Variants in PPP3CA observed in about 807,000 individuals in gnomAD.
PPP3CA encodes the protein protein phosphatase 3 catalytic subunit alpha.
In PPP3CA, 14 loss-of-function variants were observed where a neutral mutation model predicts 66.5. The observed-to-expected ratio is 0.21, with a 90% CI of 0.14 to 0.33. The LOEUF is 0.33. Ranked by LOEUF, PPP3CA falls within the 10% of genes least tolerant of loss-of-function variation. PPP3CA has a pLI of 1.00. For missense variants in PPP3CA, 317 were observed against 639.5 expected (o/e 0.50, Z 5.44); for synonymous variants, 232 against 226.2 (o/e 1.03, Z -0.23).
intron 1 of PPP3CA, among the ~76,000 whole-genome samples, chr4:101,220,142 C>T (rs1046893919): frequency 6.6e-6 from 1 of 151,678 alleles, no homozygotes; most frequent in East Asian, 1.9e-4. Flanking sequence ...ACAATACATA[C>T]GAATATTTTC....
At chr4:101,144,020 C>T (rs1322912494) in intron 2 of PPP3CA, among the ~76,000 whole-genome samples, 1 of 152,122 alleles carries the variant, frequency 6.6e-6, no homozygotes, top group African/African-American at 2.4e-5. Flanking sequence ...TCTCTTTCCA[C>T]TCATCACCCT....
At chr4:101,240,209 G>C (rs865907231) in intron 1 of PPP3CA, among the ~76,000 whole-genome samples, 2 of 151,948 alleles carry the variant, frequency 1.3e-5, no homozygotes, top group Non-Finnish European at 2.9e-5. Flanking sequence ...AGTTAAGATT[G>C]TGAGTTCTCT....
At chr4:101,189,698 A>C (rs181296252) in intron 2 of PPP3CA, among the ~76,000 whole-genome samples, 1,743 of 151,272 alleles carry the variant, frequency 0.012, 24 homozygotes, top group Non-Finnish European at 0.019. Flanking sequence ...AAAAAAAAAA[A>C]AAAAAACAAA....
chr4:101,040,403 AC>A, intron 11 of PPP3CA, 78 bp downstream of exon 11: 1 of 968,984 alleles, frequency 1.0e-6, no homozygotes. Context: ...TATTTAAATT[AC>A]CAGATGAAAG....
chr4:101,192,466 A>G (rs1261694905), intron 2 of PPP3CA, among the ~76,000 whole-genome samples: 1 of 152,156 alleles, frequency 6.6e-6, no homozygotes, highest in Non-Finnish European at 1.5e-5. Flanking sequence ...TGCTGGTTAT[A>G]GAGATTAATA....
intron 10 of PPP3CA, among the ~76,000 whole-genome samples, chr4:101,046,197 C>T (rs1727757275): frequency 6.6e-6 from 1 of 150,494 alleles, no homozygotes; most frequent in African/African-American, 2.4e-5. Context: ...TTTTAAAAGT[C>T]TAATCCAACA....
chr4:101,112,593 A>G (rs1721709170), intron 2 of PPP3CA, among the ~76,000 whole-genome samples: 1 of 152,138 alleles, frequency 6.6e-6, no homozygotes, highest in African/African-American at 2.4e-5. Context: ...ACAAAACAGT[A>G]ACTCAAAATA....
chr4:101,277,190 C>A, intron 1 of PPP3CA, among the ~76,000 whole-genome samples: 1 of 152,156 alleles, frequency 6.6e-6, no homozygotes, highest in East Asian at 1.9e-4. Flanking sequence ...CTTTCACTTA[C>A]CAATTGACAT....
intron 2 of PPP3CA, among the ~76,000 whole-genome samples, chr4:101,131,535 T>C (rs919670824): frequency 1.3e-5 from 2 of 151,026 alleles, no homozygotes; most frequent in Non-Finnish European, 2.9e-5. Flanking sequence ...AAGGGATCAA[T>C]GCAACAAGAA....
At chr4:101,049,577 T>A (rs1727921612) in intron 10 of PPP3CA, among the ~76,000 whole-genome samples, 1 of 151,970 alleles carries the variant, frequency 6.6e-6, no homozygotes, top group African/African-American at 2.4e-5. Context: ...TTGACATGGA[T>A]GAGGATATAA....
intron 2 of PPP3CA, among the ~76,000 whole-genome samples, chr4:101,167,041 A>T (rs1040749745): frequency 5.9e-5 from 9 of 152,212 alleles, no homozygotes; most frequent in African/African-American, 2.2e-4. Flanking sequence ...CAGGTGAGAA[A>T]TGATTTGCCT....
In PPP3CA at chr4:101,265,773, T is replaced by C. The variant is rs1040233069; in HGVS notation, c.59-69657A>G. ...CAAAACAAACATAACTCATTTACCC[T>C]GATCCCAAAATAACAAAATTAAACC... is the stretch of plus-strand genomic sequence containing the variant. On this transcript the variant is annotated intron_variant, in intron 1 of 13. Coordinates refer to ENST00000394854, the MANE Select transcript of PPP3CA (RefSeq NM_000944.5). Among the ~76,000 whole-genome samples the C allele has an allele frequency of 2.6e-5, 4 of 152,310 alleles. No homozygotes were observed. The East Asian group carries it at 7.7e-4, about 29-fold the overall frequency.
chr4:101,165,025 T>C (rs1723647197), intron 2 of PPP3CA, among the ~76,000 whole-genome samples: 1 of 152,136 alleles, frequency 6.6e-6, no homozygotes, highest in African/African-American at 2.4e-5. Context: ...TTGATGATTT[T>C]GTTCAGTAGT....
intron 6 of PPP3CA, among the ~76,000 whole-genome samples, chr4:101,093,140 G>T (rs1393011931): frequency 6.6e-6 from 1 of 151,998 alleles, no homozygotes. Context: ...TTTAATGATC[G>T]CCATTCTAAC....
intron 1 of PPP3CA, among the ~76,000 whole-genome samples, chr4:101,292,131 C>G (rs1175455101): frequency 2.1e-5 from 3 of 142,014 alleles, no homozygotes; most frequent in Non-Finnish European, 4.6e-5. Context: ...CACACACACA[C>G]GGCCCCTATA....
chr4:101,086,477 C>A (rs892531162), intron 6 of PPP3CA, among the ~76,000 whole-genome samples: 52 of 152,218 alleles, frequency 3.4e-4, no homozygotes, highest in African/African-American at 1.0e-3. Flanking sequence ...TATTTTCAAC[C>A]TTGAGTTTAA....
intron 1 of PPP3CA, among the ~76,000 whole-genome samples, chr4:101,280,038 A>G (rs374768600): frequency 8.5e-5 from 13 of 152,320 alleles, no homozygotes; most frequent in African/African-American, 2.4e-4. Flanking sequence ...TTTTCCCTCA[A>G]TGTATATTAA....
In PPP3CA at chr4:101,331,047, T is replaced by C. The variant is rs112900085; in HGVS notation, c.58+15692A>G. Among the ~76,000 whole-genome samples the C allele has an allele frequency of 1.1e-4, 17 of 152,306 alleles. 1 individual carries two copies. Among genetic ancestry groups the C allele is most frequent in the African/African-American group, 3.8e-4 (16 of 41,572 alleles). On this transcript the variant is annotated intron_variant, in intron 1 of 13. Coordinates refer to ENST00000394854, the MANE Select transcript of PPP3CA (RefSeq NM_000944.5). ...TTTCTCCCACAGAAAATGCCACAGATGTTCAGCCAAAATGATTTCCAGGAG... is the reference window on the plus strand; with the variant it reads ...TTTCTCCCACAGAAAATGCCACAGACGTTCAGCCAAAATGATTTCCAGGAG...
intron 2 of PPP3CA, among the ~76,000 whole-genome samples, chr4:101,148,700 G>C (rs1385956434): frequency 1.3e-5 from 2 of 152,144 alleles, no homozygotes; most frequent in Non-Finnish European, 2.9e-5. Flanking sequence ...CCTGGTGCCT[G>C]AGCATGTCTT....
Sources: allele counts gnomAD v4.1 joint callset (sites outside exome capture counted in the v4.1 genomes callset), GRCh38; gene constraint gnomAD v4.1.1; transcripts MANE v1.5; gene names NCBI Gene and HGNC (gene_info 2026-07-23, HGNC 2026-07-21).